TBC1D4: variants seen among roughly 807,000 people sequenced by gnomAD.
TBC1D4 encodes the protein TBC1 domain family member 4.
Under a neutral mutation model 142.5 loss-of-function variants are expected in TBC1D4, and 121 were observed. The observed-to-expected ratio is 0.85, with a 90% CI of 0.73 to 0.99. TBC1D4 has a LOEUF of 0.99. TBC1D4 is among the 50% of genes least tolerant of loss of function. The pLI is 0.00. For missense variants in TBC1D4, 1,475 were observed against 1,606.6 expected (o/e 0.92, Z 1.40); for synonymous variants, 630 against 628.2 (o/e 1.00, Z -0.04).
chr13:75,326,164 T>A (rs1879228217), intron 10 of TBC1D4, 33 bp downstream of exon 10: 1 of 1,608,710 alleles, frequency 6.2e-7, no homozygotes, highest in Non-Finnish European at 8.5e-7. Flanking sequence ...GCCTTGAGAA[T>A]CTAGGTCTCA....
chr13:75,467,160 T>G (rs1047586035), intron 1 of TBC1D4, among the ~76,000 whole-genome samples: 5 of 152,204 alleles, frequency 3.3e-5, no homozygotes, highest in Admixed American at 2.0e-4. Context: ...ATATGTACAT[T>G]ACAGCTTGTC....
intron 1 of TBC1D4, among the ~76,000 whole-genome samples, chr13:75,430,595 C>G (rs773066585): frequency 6.6e-6 from 1 of 152,170 alleles, no homozygotes; most frequent in Non-Finnish European, 1.5e-5. Flanking sequence ...AGCGTCGTTG[C>G]TATACATCAG....
At chr13:75,351,080 T>C (rs543363099) in intron 4 of TBC1D4, among the ~76,000 whole-genome samples, 35 of 152,258 alleles carry the variant, frequency 2.3e-4, no homozygotes, top group African/African-American at 7.9e-4. Context: ...AAATCAATCA[T>C]ACACCAACAG....
intron 12 of TBC1D4, among the ~76,000 whole-genome samples, chr13:75,314,863 C>A (rs1385866906): frequency 1.3e-5 from 2 of 151,794 alleles, no homozygotes; most frequent in African/African-American, 4.9e-5. Flanking sequence ...GCCTGTAATC[C>A]CAGTTGCTTG....
At chr13:75,477,504 G>A (rs1237039217) in intron 1 of TBC1D4, among the ~76,000 whole-genome samples, 1 of 152,004 alleles carries the variant, frequency 6.6e-6, no homozygotes. Flanking sequence ...TTAAATGATT[G>A]TTCATCCTAT....
chr13:75,427,197 C>T (rs979546738), intron 1 of TBC1D4, among the ~76,000 whole-genome samples: 43 of 152,138 alleles, frequency 2.8e-4, no homozygotes, highest in Non-Finnish European at 2.6e-4. Context: ...ACACCATTCT[C>T]CTGCCTCAGC....
intron 12 of TBC1D4, among the ~76,000 whole-genome samples, chr13:75,315,281 C>T (rs900801926): frequency 6.6e-6 from 1 of 151,218 alleles, no homozygotes; most frequent in African/African-American, 2.4e-5. Flanking sequence ...GCACTCCTGC[C>T]TGAGCAACAG....
chr13:75,384,163 C>G (rs1593822697), intron 1 of TBC1D4, among the ~76,000 whole-genome samples: 1 of 152,236 alleles, frequency 6.6e-6, no homozygotes, highest in East Asian at 1.9e-4. Context: ...TGGCTCACGC[C>G]TGTGCTGGGA....
At chr13:75,449,537 A>G (rs1887441847) in intron 1 of TBC1D4, among the ~76,000 whole-genome samples, 1 of 149,796 alleles carries the variant, frequency 6.7e-6, no homozygotes, top group Non-Finnish European at 1.5e-5. Flanking sequence ...ACTGCAACAC[A>G]CACACACACA....
At chr13:75,410,935 CAAAAAAAAAAAAAAAAA>C (rs60172018) in intron 1 of TBC1D4, among the ~76,000 whole-genome samples, 1 of 63,210 alleles carries the variant, frequency 1.6e-5, no homozygotes, top group Non-Finnish European at 2.7e-5. Context: ...GACTCCGTCT[CAAAAAAAAAAAAAAAAA>C]AAAAAAAAAA....
chr13:75,350,195 A>G (rs965796610), intron 4 of TBC1D4, among the ~76,000 whole-genome samples: 5 of 152,232 alleles, frequency 3.3e-5, no homozygotes, highest in African/African-American at 1.2e-4. Flanking sequence ...GACATTGAGC[A>G]CTAAGGGCCT....
chr13:75,376,646 G>GA (rs1883528843), intron 1 of TBC1D4, among the ~76,000 whole-genome samples: 2 of 152,154 alleles, frequency 1.3e-5, no homozygotes, highest in African/African-American at 4.8e-5. Context: ...GCCTCCCAAA[G>GA]TTCTGGGATT....
Position 75,305,708 on chromosome 13 carries a change from T to C in TBC1D4, c.2752+605A>G, listed in dbSNP as rs76662598. Among the ~76,000 whole-genome samples, 847 of 152,328 alleles carry C rather than the reference T, an allele frequency of 5.6e-3. 6 individuals carry two copies. The highest frequency in any genetic ancestry group is 0.019 in the African/African-American group (797 of 41,588). On this transcript the variant is annotated intron_variant, in intron 15 of 20. Coordinates refer to ENST00000377636, the MANE Select transcript of TBC1D4 (RefSeq NM_014832.5). ...CAGGCTATGGAGATTCTAATTTTAA[T>C]ATATTTAATCTGAGTCACAGAAACT...
Position 75,329,980 on chromosome 13 carries a change from C to T in TBC1D4, c.1732-2154G>A, listed in dbSNP as rs146810396. Among the ~76,000 whole-genome samples the T allele has an allele frequency of 2.1e-4, 32 of 152,316 alleles. No homozygotes were observed. The East Asian group carries it at 6.2e-3, about 29-fold the overall frequency. ...GACGTGCCTTAGCATGACTTTTACACAGTCACTCTGTTGTGCACTTTCTGA... is the reference window on the plus strand; with the variant it reads ...GACGTGCCTTAGCATGACTTTTACATAGTCACTCTGTTGTGCACTTTCTGA... On this transcript the variant is annotated intron_variant, in intron 8 of 20. Transcript: ENST00000377636.
In TBC1D4 at chr13:75,295,002, G is replaced by T; in HGVS notation, c.3168C>A (p.Tyr1056Ter). The change falls in exon 18 of 21, where the codon TAC becomes TAA. Residue 1056 changes from tyrosine to a stop codon, truncating the protein, a stop_gained. Transcript: ENST00000377636. LOFTEE classifies it high-confidence loss of function. ...PDMMSLQIQM[Y>*]QLSRLLHDYH... Reference sequence around the variant, plus strand: ...AGTCATGAAGGAGCCTGGACAGCTGGTACATTTGAATCTAAAGTTAATTTG... The same window carrying T: ...AGTCATGAAGGAGCCTGGACAGCTGTTACATTTGAATCTAAAGTTAATTTG... The T allele has an allele frequency of 6.2e-7, 1 of 1,613,356 alleles. No homozygotes were observed. Among genetic ancestry groups the T allele is most frequent in the Non-Finnish European group, 8.5e-7 (1 of 1,179,672 alleles).
chr13:75,474,688 G>T (rs1221899265), intron 1 of TBC1D4, among the ~76,000 whole-genome samples: 3 of 56,702 alleles, frequency 5.3e-5, no homozygotes, highest in African/African-American at 1.0e-4. Context: ...CCAAGCTAAA[G>T]TGCAGTGGTA....
intron 1 of TBC1D4, among the ~76,000 whole-genome samples, chr13:75,479,061 T>C (rs550219696): frequency 4.3e-4 from 65 of 152,352 alleles, no homozygotes; most frequent in African/African-American, 1.4e-3. Flanking sequence ...TAGACTTGCA[T>C]CCTATTCATG....
At chr13:75,414,236 T>C (rs1237308489) in intron 1 of TBC1D4, among the ~76,000 whole-genome samples, 1 of 152,178 alleles carries the variant, frequency 6.6e-6, no homozygotes, top group Non-Finnish European at 1.5e-5. Flanking sequence ...AACAGCTGAC[T>C]TGGTTAAACA....
chr13:75,419,930 T>C (rs947343989), intron 1 of TBC1D4, among the ~76,000 whole-genome samples: 5 of 152,224 alleles, frequency 3.3e-5, no homozygotes, highest in Non-Finnish European at 7.3e-5. Flanking sequence ...AAAAAGTTTC[T>C]GGAAGGATCA....
Sources: gnomAD v4.1 joint callset for allele counts (sites outside exome capture counted in the v4.1 genomes callset) on GRCh38, gnomAD v4.1.1 for gene constraint, MANE v1.5 for transcripts, NCBI Gene and HGNC (gene_info 2026-07-23, HGNC 2026-07-21) for gene names.